UBE2E2: variants seen among roughly 807,000 people sequenced by gnomAD.
UBE2E2 encodes the protein ubiquitin-conjugating enzyme E2 E2.
In UBE2E2, 6 loss-of-function variants were observed where a neutral mutation model predicts 24.7. That is an observed-to-expected ratio of 0.24 (90% CI 0.13 to 0.48). UBE2E2 has a LOEUF of 0.48. Ranked by LOEUF, UBE2E2 falls within the 20% of genes least tolerant of loss-of-function variation. UBE2E2 has a pLI of 0.99. For synonymous variants in UBE2E2, 104 were observed against 83.6 expected, an observed-to-expected ratio of 1.24 and a Z score of -1.33; for missense variants, 169 against 245.0, an observed-to-expected ratio of 0.69 and a Z score of 2.07.
At chr3:23,435,505 G>A (rs917066864) in intron 3 of UBE2E2, among the ~76,000 whole-genome samples, 13 of 152,218 alleles carry the variant, frequency 8.5e-5, no homozygotes, top group Admixed American at 3.9e-4. Flanking sequence ...CGTCAGTTGG[G>A]CTCAGCAGCA....
intron 3 of UBE2E2, among the ~76,000 whole-genome samples, chr3:23,332,674 GGTGT>G (rs3086989): frequency 0.063 from 6,790 of 107,860 alleles, 194 homozygotes; most frequent in East Asian, 0.081. Flanking sequence ...CAGCCAGTGG[GGTGT>G]GTGTGTGTGT....
intron 4 of UBE2E2, among the ~76,000 whole-genome samples, chr3:23,519,815 T>C (rs777929530): frequency 1.8e-4 from 28 of 151,930 alleles, no homozygotes; most frequent in Non-Finnish European, 2.9e-5. Flanking sequence ...TGGCTAGGGC[T>C]ACAGACACAT....
chr3:23,446,045 C>A (rs1484852650), intron 3 of UBE2E2, among the ~76,000 whole-genome samples: 6 of 152,094 alleles, frequency 3.9e-5, no homozygotes, highest in Non-Finnish European at 8.8e-5. Context: ...GGTCTTGTAC[C>A]ATGAGATCCA....
intron 3 of UBE2E2, among the ~76,000 whole-genome samples, chr3:23,276,158 A>C (rs189015501): frequency 3.3e-5 from 5 of 152,262 alleles, no homozygotes; most frequent in South Asian, 2.1e-4. Flanking sequence ...GAGAGCCTTC[A>C]TGATTTTCCA....
chr3:23,264,281 G>A (rs1697982991), intron 3 of UBE2E2, among the ~76,000 whole-genome samples: 1 of 151,394 alleles, frequency 6.6e-6, no homozygotes, highest in Non-Finnish European at 1.5e-5. Flanking sequence ...CGTATCTTTA[G>A]GTTACACAGC....
At position 23,449,742 on chromosome 3, in the gene UBE2E2, T is replaced by G. The variant is rs1015448285; in HGVS notation, c.228-49866T>G. On this transcript the variant is annotated intron_variant, in intron 3 of 5. Transcript: ENST00000396703. ...GATTCATCAGTTCTAAAAACTTATC[T>G]CATATAATTCTGTTTTGAATTAACT... is the stretch of plus-strand genomic sequence containing the variant. The G allele has an allele frequency of 6.2e-6, 3 of 485,660 alleles. No individual in the cohort carries two copies. The African/African-American group carries it at 6.3e-5, about 10-fold the overall frequency. The allele number at this position is 485,660 out of a possible 1,614,324, so 30.1% of individuals were successfully genotyped here. A position where few individuals can be genotyped will look rare whatever the true frequency, so the allele number is the denominator to read the frequency against.
At chr3:23,438,768 T>G (rs368637685) in intron 3 of UBE2E2, among the ~76,000 whole-genome samples, 1 of 152,360 alleles carries the variant, frequency 6.6e-6, no homozygotes, top group African/African-American at 2.4e-5. Context: ...AAAGAGAAAC[T>G]TAACATAGTT....
intron 5 of UBE2E2, among the ~76,000 whole-genome samples, chr3:23,558,556 T>TTC (rs773516172): frequency 9.2e-6 from 1 of 109,260 alleles, no homozygotes; most frequent in Non-Finnish European, 1.9e-5. Flanking sequence ...GCAGATTTTT[T>TTC]TCTGAAATAA....
At chr3:23,457,834 CT>C (rs1559389516) in intron 3 of UBE2E2, among the ~76,000 whole-genome samples, 2 of 152,226 alleles carry the variant, frequency 1.3e-5, no homozygotes, top group African/African-American at 4.8e-5. Flanking sequence ...CTGCAGTTTT[CT>C]TACTCTCTTA....
intron 3 of UBE2E2, among the ~76,000 whole-genome samples, chr3:23,246,514 C>T (rs545751588): frequency 1.3e-3 from 202 of 150,080 alleles, no homozygotes; most frequent in African/African-American, 4.7e-3. Context: ...GGATTACAGG[C>T]ATGAGCCACT....
chr3:23,418,496 A>C (rs1007211375), intron 3 of UBE2E2, among the ~76,000 whole-genome samples: 1 of 152,270 alleles, frequency 6.6e-6, no homozygotes, highest in East Asian at 1.9e-4. Flanking sequence ...GGCCATCTTC[A>C]AGCCAGGCTC....
chr3:23,459,783 A>G (rs1429609232), intron 3 of UBE2E2, among the ~76,000 whole-genome samples: 1 of 152,148 alleles, frequency 6.6e-6, no homozygotes, highest in Non-Finnish European at 1.5e-5. Flanking sequence ...TATTCCTTAG[A>G]ATTTCTGTGA....
chr3:23,203,270 C>T (rs548414192), upstream of UBE2E2: 1 of 987,852 alleles, frequency 1.0e-6, no homozygotes, highest in Non-Finnish European at 1.2e-6. Context: ...AGGGTGAGTC[C>T]GGGCGGGCGC....
rs756833650 is a variant in UBE2E2, at chr3:23,589,822, C to T, written c.597C>T (p.Tyr199=). ...DRMARQWTKR[Y]AT ...TGGCCAGACAGTGGACCAAGCGGTA[C>T]GCCACATAGGGGCCTGCTGCCTGCC... is the stretch of plus-strand genomic sequence containing the variant. The change falls in exon 6 of 6, where the codon TAC becomes TAT. Residue 199 remains tyrosine, a synonymous_variant. Coordinates refer to ENST00000396703, the MANE Select transcript of UBE2E2 (RefSeq NM_152653.4). The surrounding 1 kb of genome is among the most constrained non-coding windows in gnomAD (Gnocchi z 4.1). The T allele has an allele frequency of 7.4e-6, 12 of 1,614,166 alleles. No individual in the cohort carries two copies. Among genetic ancestry groups the T allele is most frequent in the South Asian group, 6.6e-5 (6 of 91,076 alleles).
intron 3 of UBE2E2, among the ~76,000 whole-genome samples, chr3:23,396,872 CA>C (rs1218331237): frequency 6.6e-6 from 1 of 152,092 alleles, no homozygotes; most frequent in African/African-American, 2.4e-5. Flanking sequence ...TTATGCAGGA[CA>C]GGGGGGATGT....
intron 1 of UBE2E2, among the ~76,000 whole-genome samples, chr3:23,207,349 ATCAGAACTGCTTGGGGGGCCTGAAC>A (rs1696177741): frequency 6.6e-6 from 1 of 152,158 alleles, no homozygotes; most frequent in Admixed American, 6.5e-5. Flanking sequence ...TGAGTTGGTA[ATCAGAACTGCTTGGGGGGCCTGAAC>A]TCAGAGCAAA....
chr3:23,449,922 C>T, intron 3 of UBE2E2: 2 of 985,418 alleles, frequency 2.0e-6, no homozygotes, highest in Non-Finnish European at 2.4e-6. Flanking sequence ...GACCCCTCCC[C>T]CTAGTGAGGA....
In UBE2E2 at chr3:23,271,835, A is replaced by G. The variant is rs190911201; in HGVS notation, c.227+54523A>G. Among the ~76,000 whole-genome samples, 239 of 152,048 alleles carry G rather than the reference A, an allele frequency of 1.6e-3. 1 individual carries two copies. Among genetic ancestry groups the G allele is most frequent in the Middle Eastern group, 3.4e-3 (1 of 290 alleles). ...TCCAAGCCCCCACCAGATTAGCTAG[A>G]TACAGAGTGCTCATTGGTGCATCCA... On this transcript the variant is annotated intron_variant, in intron 3 of 5. Coordinates refer to ENST00000396703, the MANE Select transcript of UBE2E2 (RefSeq NM_152653.4).
intron 3 of UBE2E2, among the ~76,000 whole-genome samples, chr3:23,453,360 G>A (rs1364117981): frequency 6.6e-6 from 1 of 151,530 alleles, no homozygotes; most frequent in Non-Finnish European, 1.5e-5. Context: ...TTTTTTTGTG[G>A]TGAGGAAAGA....
Sources: gnomAD v4.1 joint callset for allele counts (sites outside exome capture counted in the v4.1 genomes callset) on GRCh38, gnomAD v4.1.1 for gene constraint, Gnocchi (gnomAD v3.1) non-coding constraint, MANE v1.5 for transcripts, NCBI Gene and HGNC (gene_info 2026-07-23, HGNC 2026-07-21) for gene names.